The following DENND1A variants were observed in gnomAD, a reference collection of about 807,000 sequenced individuals.
The protein encoded by DENND1A is DENN domain-containing protein 1A.
A neutral mutation model predicts 113.7 loss-of-function variants in DENND1A; 51 were observed. The ratio of observed to expected loss-of-function variants is 0.45; its 90% CI spans 0.36 to 0.57. The LOEUF is 0.57. DENND1A is among the 20% of genes least tolerant of loss of function. The pLI, the probability that DENND1A is intolerant of heterozygous loss-of-function variation, is 0.00. For synonymous variants in DENND1A, 565 were observed against 570.8 expected, an observed-to-expected ratio of 0.99 and a Z score of 0.14; for missense variants, 1,258 against 1,395.9, an observed-to-expected ratio of 0.90 and a Z score of 1.57.
chr9:123,697,426 G>T (rs2065590652), intron 5 of DENND1A, among the ~76,000 whole-genome samples: 1 of 152,060 alleles, frequency 6.6e-6, no homozygotes, highest in Non-Finnish European at 1.5e-5. Flanking sequence ...GGGTACAGGT[G>T]GTACTTGGTT....
At chr9:123,634,782 C>A (rs985255370) in intron 9 of DENND1A, among the ~76,000 whole-genome samples, 1 of 152,158 alleles carries the variant, frequency 6.6e-6, no homozygotes, top group African/African-American at 2.4e-5. Flanking sequence ...TTTAATGACA[C>A]CCCAAAAGAT....
At chr9:123,391,031 A>C (rs2491351) in intron 21 of DENND1A, among the ~76,000 whole-genome samples, 1 of 152,048 alleles carries the variant, frequency 6.6e-6, no homozygotes, top group Non-Finnish European at 1.5e-5. Flanking sequence ...GCTAAATCCA[A>C]CTGCCGCAGT....
At chr9:123,768,723 A>G (rs1829234566) in intron 4 of DENND1A, among the ~76,000 whole-genome samples, 1 of 151,980 alleles carries the variant, frequency 6.6e-6, no homozygotes, top group African/African-American at 2.4e-5. Flanking sequence ...AACTGTAATG[A>G]AAAAGAGTAG....
At chr9:123,418,147 T>A (rs1044332031) in intron 19 of DENND1A, among the ~76,000 whole-genome samples, 3 of 152,134 alleles carry the variant, frequency 2.0e-5, no homozygotes, top group African/African-American at 7.2e-5. Flanking sequence ...GGATGGGGTA[T>A]GCTCCTAGGA....
intron 5 of DENND1A, among the ~76,000 whole-genome samples, chr9:123,712,621 A>G (rs1425315881): frequency 6.6e-6 from 1 of 152,242 alleles, no homozygotes; most frequent in African/African-American, 2.4e-5. Flanking sequence ...ACCAGGCACC[A>G]GATGTACATA....
chr9:123,836,898 A>T (rs548645419), intron 2 of DENND1A, among the ~76,000 whole-genome samples: 1 of 152,320 alleles, frequency 6.6e-6, no homozygotes, highest in African/African-American at 2.4e-5. Flanking sequence ...TTTATTGCAT[A>T]AAATAGGCTA....
chr9:123,528,950 C>T (rs1270993103), intron 13 of DENND1A, among the ~76,000 whole-genome samples: 1 of 152,216 alleles, frequency 6.6e-6, no homozygotes, highest in Non-Finnish European at 1.5e-5. Flanking sequence ...GAGTGAGTAT[C>T]TCCTCCTCTG....
chr9:123,753,746 A>G (rs749662923), intron 5 of DENND1A, among the ~76,000 whole-genome samples: 3 of 152,204 alleles, frequency 2.0e-5, no homozygotes, highest in Non-Finnish European at 4.4e-5. Flanking sequence ...ACCCCTGAAG[A>G]GTTGACCTTC....
intron 8 of DENND1A, among the ~76,000 whole-genome samples, chr9:123,654,820 G>A (rs1347965655): frequency 6.6e-6 from 1 of 152,202 alleles, no homozygotes; most frequent in Non-Finnish European, 1.5e-5. Context: ...TGAGCGGGTG[G>A]GAGTGGGTGG....
At chr9:123,805,161 A>G (rs1208040060) in intron 2 of DENND1A, among the ~76,000 whole-genome samples, 2 of 152,002 alleles carry the variant, frequency 1.3e-5, no homozygotes, top group Non-Finnish European at 2.9e-5. Flanking sequence ...GGCCTTCCCT[A>G]ATCACCTTAT....
At chr9:123,419,286 G>A (rs2045026277) in intron 19 of DENND1A, among the ~76,000 whole-genome samples, 1 of 152,220 alleles carries the variant, frequency 6.6e-6, no homozygotes, top group South Asian at 2.1e-4. Context: ...GCCCCAAAGG[G>A]GGTCTCAGAT....
intron 13 of DENND1A, among the ~76,000 whole-genome samples, chr9:123,489,580 C>A (rs1458683319): frequency 6.6e-6 from 1 of 152,224 alleles, no homozygotes; most frequent in Non-Finnish European, 1.5e-5. Flanking sequence ...GTTGTTGTTT[C>A]ACATAAAAGT....
chr9:123,689,112 C>T (rs1363133986), intron 5 of DENND1A, among the ~76,000 whole-genome samples: 1 of 152,136 alleles, frequency 6.6e-6, no homozygotes, highest in Non-Finnish European at 1.5e-5. Context: ...GCAACCTCCA[C>T]CTTCCAGCTT....
intron 13 of DENND1A, among the ~76,000 whole-genome samples, chr9:123,475,111 T>C (rs1217742499): frequency 6.6e-6 from 1 of 152,122 alleles, no homozygotes; most frequent in Admixed American, 6.5e-5. Context: ...CTCTGCCTCC[T>C]GGGTTCAAGT....
chr9:123,565,525 A>G (rs1178648720), intron 12 of DENND1A, among the ~76,000 whole-genome samples: 1 of 152,200 alleles, frequency 6.6e-6, no homozygotes, highest in East Asian at 1.9e-4. Context: ...GCAGGTGTGG[A>G]GGGGCAACAG....
chr9:123,847,666 G>A lies in DENND1A; in HGVS notation c.88+31285C>T, dbSNP rs866479434. On this transcript the variant is annotated intron_variant, in intron 2 of 23. Coordinates refer to ENST00000394215, the MANE Select transcript of DENND1A (RefSeq NM_001352964.2). ...AACAAAGAAAATGGCCAGGCACAGTGGCTCACACTTGTAATCCCAGCACTT... is the reference window on the plus strand; with the variant it reads ...AACAAAGAAAATGGCCAGGCACAGTAGCTCACACTTGTAATCCCAGCACTT... Among the ~76,000 whole-genome samples the A allele has an allele frequency of 1.4e-4, 22 of 152,228 alleles. 1 individual carries two copies. Among genetic ancestry groups the A allele is most frequent in the African/African-American group, 5.1e-4 (21 of 41,470 alleles).
chr9:123,535,332 G>C (rs546742609), intron 13 of DENND1A, among the ~76,000 whole-genome samples: 2 of 152,330 alleles, frequency 1.3e-5, no homozygotes, highest in East Asian at 1.9e-4. Flanking sequence ...TGTAGTCCCA[G>C]GTACTCAGGA....
chr9:123,419,986 C>G (rs1288675537), intron 19 of DENND1A, among the ~76,000 whole-genome samples: 1 of 152,240 alleles, frequency 6.6e-6, no homozygotes, highest in African/African-American at 2.4e-5. Flanking sequence ...CTGAGCCACT[C>G]AGCGGGGCAC....
At chr9:123,913,624 G>A (rs942022802) in intron 1 of DENND1A, among the ~76,000 whole-genome samples, 2 of 152,162 alleles carry the variant, frequency 1.3e-5, no homozygotes, top group Non-Finnish European at 2.9e-5. Flanking sequence ...ATCAAAATCC[G>A]ACCGGGCATG....
Sources: allele counts gnomAD v4.1 joint callset (sites outside exome capture counted in the v4.1 genomes callset), GRCh38; gene constraint gnomAD v4.1.1; transcripts MANE v1.5; gene names NCBI Gene and HGNC (gene_info 2026-07-23, HGNC 2026-07-21).